Variants in ADRA1B observed in about 807,000 individuals in gnomAD.
ADRA1B encodes the protein adrenoceptor alpha 1B.
A neutral mutation model predicts 17.9 loss-of-function variants in ADRA1B; 17 were observed. That is an observed-to-expected ratio of 0.95 (90% CI 0.65 to 1.42). The LOEUF is 1.42. Among genes scored for constraint, ADRA1B ranks in the 40% most tolerant of loss-of-function variants. ADRA1B has a pLI of 0.00. For missense variants in ADRA1B, 681 were observed against 722.1 expected, an observed-to-expected ratio of 0.94 and a Z score of 0.65; for synonymous variants, 366 against 327.6, an observed-to-expected ratio of 1.12 and a Z score of -1.27.
chr5:159,883,831 G>A (rs1438464274), intron 1 of ADRA1B, among the ~76,000 whole-genome samples: 1 of 152,214 alleles, frequency 6.6e-6, no homozygotes, highest in Non-Finnish European at 1.5e-5. Flanking sequence ...GAACTCCCAT[G>A]GTGCTGAATA....
At chr5:159,975,910 A>G (rs999878142), downstream of ADRA1B, among the ~76,000 whole-genome samples, 2 of 152,162 alleles carry the variant, frequency 1.3e-5, no homozygotes, top group Non-Finnish European at 2.9e-5. Flanking sequence ...GTCACCACTG[A>G]AGCATGCACA....
At chr5:159,919,814 G>A (rs563633879) in intron 1 of ADRA1B, among the ~76,000 whole-genome samples, 2 of 152,334 alleles carry the variant, frequency 1.3e-5, no homozygotes, top group East Asian at 1.9e-4. Context: ...GGCTTTTAGG[G>A]GCAGGGGAAA....
Position 159,917,550 on chromosome 5 carries a change from T to A in ADRA1B, c.645T>A (p.Pro215=). 1.9e-6 allele frequency: 3 copies of A among 1,614,002 alleles called. No individual in the cohort carries two copies. The highest frequency in any genetic ancestry group is 2.5e-6 in the Non-Finnish European group (3 of 1,179,968). ...LFSSLGSFYI[P]LAVILVMYCR... The stretch of plus-strand genomic sequence containing the variant: ...CCTCTCTGGGCTCCTTCTACATCCC[T>A]CTGGCGGTCATTCTAGTCATGTACT... Residue 215 remains proline, a synonymous_variant, in exon 1 of 2, where the codon CCT becomes CCA. Coordinates refer to ENST00000306675, the MANE Select transcript of ADRA1B (RefSeq NM_000679.4).
chr5:159,955,530 A>C (rs1041163334), intron 1 of ADRA1B, among the ~76,000 whole-genome samples: 1 of 152,148 alleles, frequency 6.6e-6, no homozygotes, highest in Non-Finnish European at 1.5e-5. Context: ...TGATTCCCCA[A>C]GGCTGGAAAT....
chr5:159,906,278 C>G (rs867869980), intron 1 of ADRA1B, among the ~76,000 whole-genome samples: 1 of 151,844 alleles, frequency 6.6e-6, no homozygotes, highest in African/African-American at 2.4e-5. Flanking sequence ...AGTTAAGAAC[C>G]CTCTCTATAG....
At chr5:159,912,923 T>G (rs934383668), upstream of ADRA1B, among the ~76,000 whole-genome samples, 3 of 152,354 alleles carry the variant, frequency 2.0e-5, no homozygotes, top group African/African-American at 7.2e-5. Context: ...TCATCTTTGG[T>G]TCACCCACGG....
At chr5:159,955,946 C>G (rs1310392011) in intron 1 of ADRA1B, among the ~76,000 whole-genome samples, 1 of 152,048 alleles carries the variant, frequency 6.6e-6, no homozygotes, top group East Asian at 1.9e-4. Context: ...CTCTGATTAC[C>G]AAAGAAATAT....
At position 159,972,094 on chromosome 5, in the gene ADRA1B, C is replaced by G; in HGVS notation, c.1165C>G (p.Arg389Gly). The stretch of plus-strand genomic sequence containing the variant: ...CCTGGGCGGCTGCGCCTACACCTAC[C>G]GGCCGTGGACGCGCGGCGGCTCGCT... Reference protein sequence around the residue: ...RRLGGCAYTYRPWTRGGSLER... With the variant: ...RRLGGCAYTYGPWTRGGSLER... Residue 389 changes from arginine (R) to glycine (G), a missense_variant, in exon 2 of 2, where the codon CGG becomes GGG. Arg to Gly is a moderately radical substitution (Grantham distance 125). Transcript: ENST00000306675. The G allele has an allele frequency of 7.7e-7, 1 of 1,290,616 alleles. No individual in the cohort carries two copies. Among genetic ancestry groups the G allele is most frequent in the Non-Finnish European group, 9.9e-7 (1 of 1,014,146 alleles). 79.9% of individuals were successfully genotyped at this position (1,290,616 alleles called of 1,614,324 possible).
chr5:159,894,493 A>AATT (rs1251445137), intron 1 of ADRA1B, among the ~76,000 whole-genome samples: 2 of 152,166 alleles, frequency 1.3e-5, no homozygotes. Flanking sequence ...TGGAGGGATA[A>AATT]ATTAAGGAGG....
intron 1 of ADRA1B, among the ~76,000 whole-genome samples, chr5:159,873,545 T>C (rs1304963205): frequency 1.3e-5 from 2 of 152,252 alleles, no homozygotes; most frequent in Non-Finnish European, 1.5e-5. Flanking sequence ...GTTCAACTTC[T>C]GCCTCTGTTC....
At chr5:159,914,916 G>A (rs1754264412), upstream of ADRA1B, among the ~76,000 whole-genome samples, 1 of 152,190 alleles carries the variant, frequency 6.6e-6, no homozygotes, top group African/African-American at 2.4e-5. Context: ...CCATTGCTCT[G>A]CCATATATTT....
intron 1 of ADRA1B, chr5:159,948,133 T>A: frequency 1.0e-6 from 1 of 985,424 alleles, no homozygotes; most frequent in Non-Finnish European, 1.2e-6. Context: ...TCCATACCAG[T>A]TCCCTGGAGT....
chr5:159,922,780 G>A (rs1202626763), intron 1 of ADRA1B, among the ~76,000 whole-genome samples: 1 of 152,226 alleles, frequency 6.6e-6, no homozygotes, highest in Non-Finnish European at 1.5e-5. Context: ...TATTCAGTGG[G>A]TACTGTGTCC....
At chr5:159,898,654 C>T (rs1254128903) in intron 1 of ADRA1B, among the ~76,000 whole-genome samples, 2 of 152,142 alleles carry the variant, frequency 1.3e-5, no homozygotes, top group African/African-American at 4.8e-5. Context: ...TGCATTTAAT[C>T]CTTAAAGCAT....
At chr5:159,958,971 C>T (rs540794894) in intron 1 of ADRA1B, among the ~76,000 whole-genome samples, 1 of 152,224 alleles carries the variant, frequency 6.6e-6, no homozygotes, top group Non-Finnish European at 1.5e-5. Context: ...CAACTCTGGG[C>T]TTAAGCCAAA....
intron 1 of ADRA1B, among the ~76,000 whole-genome samples, chr5:159,970,924 C>T (rs918881672): frequency 3.9e-5 from 6 of 152,094 alleles, no homozygotes; most frequent in Non-Finnish European, 5.9e-5. Context: ...CCTGCCTCAA[C>T]CTCCCAAGTA....
At chr5:159,910,904 T>A (rs1287617335) in intron 1 of ADRA1B, among the ~76,000 whole-genome samples, 1 of 152,164 alleles carries the variant, frequency 6.6e-6, no homozygotes, top group Non-Finnish European at 1.5e-5. Context: ...TTTTGCTTTG[T>A]CTTTTGTTTT....
At chr5:159,936,629 T>C (rs959324849) in intron 1 of ADRA1B, among the ~76,000 whole-genome samples, 3 of 151,716 alleles carry the variant, frequency 2.0e-5, no homozygotes, top group African/African-American at 7.3e-5. Context: ...TCAGTGCTTT[T>C]AGCCAAAAAT....
upstream of ADRA1B, among the ~76,000 whole-genome samples, chr5:159,913,837 A>G (rs2113137971): frequency 6.6e-6 from 1 of 152,276 alleles, no homozygotes; most frequent in South Asian, 2.1e-4. Context: ...ATGGGCCACC[A>G]CAATCAAAAT....
Sources: gnomAD v4.1 joint callset for allele counts (sites outside exome capture counted in the v4.1 genomes callset) on GRCh38, gnomAD v4.1.1 for gene constraint, MANE v1.5 for transcripts, NCBI Gene and HGNC (gene_info 2026-07-23, HGNC 2026-07-21) for gene names.